Variants in MAPK9 observed in about 807,000 individuals in gnomAD.
MAPK9 encodes the protein Jun kinase.
Under a neutral mutation model 57.1 loss-of-function variants are expected in MAPK9, and 30 were observed. That is an observed-to-expected ratio of 0.53 (90% confidence interval 0.39 to 0.71). The LOEUF is 0.71. MAPK9 is among the 30% of genes least tolerant of loss of function. The pLI is 0.00. For synonymous variants in MAPK9, 155 were observed against 177.0 expected (o/e 0.88, Z 0.99); for missense variants, 362 against 521.0 (o/e 0.69, Z 2.97).
intron 1 of MAPK9, among the ~76,000 whole-genome samples, chr5:180,291,451 G>A (rs1041324276): frequency 6.6e-6 from 1 of 152,212 alleles, no homozygotes; most frequent in Non-Finnish European, 1.5e-5. Context: ...ACCCTGTCCA[G>A]AAGAGACATT....
intron 1 of MAPK9, among the ~76,000 whole-genome samples, chr5:180,281,096 A>C (rs531045451): frequency 1.3e-5 from 2 of 152,366 alleles, no homozygotes; most frequent in South Asian, 4.1e-4. Flanking sequence ...TGAACCAAAA[A>C]GCAAGATTCA....
At chr5:180,267,465 G>C (rs1212169902) in intron 3 of MAPK9, among the ~76,000 whole-genome samples, 1 of 151,044 alleles carries the variant, frequency 6.6e-6, no homozygotes, top group East Asian at 2.0e-4. Flanking sequence ...GGGAGGCTGA[G>C]GCAGGAGAAT....
chr5:180,272,868 C>T (rs1345824673), intron 2 of MAPK9, among the ~76,000 whole-genome samples: 5 of 152,200 alleles, frequency 3.3e-5, no homozygotes, highest in Admixed American at 2.0e-4. Context: ...AGAGTGGGAA[C>T]GTATCCATTG....
chr5:180,288,496 A>C (rs943525317), intron 1 of MAPK9, among the ~76,000 whole-genome samples: 1 of 152,254 alleles, frequency 6.6e-6, no homozygotes, highest in African/African-American at 2.4e-5. Context: ...ACTTTAAAAG[A>C]GTCAGTACCT....
intron 1 of MAPK9, among the ~76,000 whole-genome samples, chr5:180,287,333 G>C (rs928434061): frequency 2.6e-5 from 4 of 152,212 alleles, no homozygotes; most frequent in African/African-American, 9.7e-5. Context: ...GTAACCGTGG[G>C]AGAAAGCTGG....
In MAPK9 at chr5:180,241,926, A is replaced by C. The variant is rs113652018; in HGVS notation, c.871+647T>G. Among the ~76,000 whole-genome samples, 1,190 of 152,384 alleles carry C rather than the reference A, an allele frequency of 7.8e-3. 14 individuals carry two copies. Among genetic ancestry groups the C allele is most frequent in the African/African-American group, 0.027 (1,130 of 41,594 alleles). ...CCACACAACAATCTCACATTCCCAC[A>C]GGATAAAACACTCACAGATGCTTCT... On this transcript the variant is annotated intron_variant, in intron 8 of 11. Transcript: ENST00000452135.
chr5:180,270,168 G>T (rs935973372), intron 2 of MAPK9, among the ~76,000 whole-genome samples: 1 of 151,992 alleles, frequency 6.6e-6, no homozygotes. Context: ...TCACCTCTGG[G>T]CTACTCATGA....
intron 1 of MAPK9, among the ~76,000 whole-genome samples, chr5:180,287,550 G>A (rs1762881319): frequency 6.6e-6 from 1 of 152,146 alleles, no homozygotes; most frequent in Non-Finnish European, 1.5e-5. Context: ...GCAGTCCTCT[G>A]GCCCAATCTT....
chr5:180,262,504 T>G (rs369449732), intron 4 of MAPK9, among the ~76,000 whole-genome samples: 1 of 151,764 alleles, frequency 6.6e-6, no homozygotes, highest in South Asian at 2.1e-4. Context: ...CTCGCCTCAC[T>G]GCAACCTCCA....
rs144408050 is a variant in MAPK9 at position 180,255,113 on chromosome 5, G to A, written c.451-5975C>T. On this transcript the variant is annotated intron_variant, in intron 5 of 11. Coordinates refer to ENST00000452135, the MANE Select transcript of MAPK9 (RefSeq NM_002752.5). ...CCACAGGCACTGCCTCCGCCATTCT[G>A]AGCGCAACTGATCTGTAACTAAGAA... 3.9e-5 allele frequency among the ~76,000 whole-genome samples: 6 copies of A among 152,226 alleles called. No homozygotes were observed. In the East Asian group the frequency reaches 9.7e-4, roughly 24 times the overall value.
intron 4 of MAPK9, chr5:180,263,199 C>CA (rs1220718666): frequency 6.6e-6 from 1 of 152,220 alleles, no homozygotes; most frequent in Non-Finnish European, 1.5e-5. Flanking sequence ...GTGCTCAGGC[C>CA]AAAAATCTAG....
At position 180,241,297 on chromosome 5, in the gene MAPK9, A is replaced by AC. The variant is rs1757631750; in HGVS notation, c.872-143dup. 3.6e-5 allele frequency: 33 copies of AC among 906,030 alleles called. No homozygotes were observed. The East Asian group carries it at 8.9e-4, about 24-fold the overall frequency. The allele number at this position is 906,030 out of a possible 1,614,324, so 56.1% of individuals were successfully genotyped here. On this transcript the variant is annotated intron_variant, in intron 8 of 11. Coordinates refer to ENST00000452135, the MANE Select transcript of MAPK9 (RefSeq NM_002752.5). ...GTTTGATAGGTTCAAGATGAATATA[A>AC]CCCAAAATTTTTTTTTTTTTTTTCG...
Position 180,280,609 on chromosome 5 carries a change from C to T in MAPK9, c.-47-1G>A, listed in dbSNP as rs1561845571. On this transcript the variant is annotated splice_acceptor_variant, in intron 1 of 11. Transcript: ENST00000452135. LOFTEE classifies it low-confidence loss of function (5UTR_SPLICE). The stretch of plus-strand genomic sequence containing the variant: ...CGAAGGGTGGGCAAGTTTCAGATCC[C>T]TTCAAAGAAAAACAGAATGAACGTG... The T allele has an allele frequency of 1.9e-6, 3 of 1,593,118 alleles. No homozygotes were observed.
At chr5:180,238,662 A>C (rs1390978938) in intron 10 of MAPK9, among the ~76,000 whole-genome samples, 6 of 132,668 alleles carry the variant, frequency 4.5e-5, no homozygotes, top group African/African-American at 1.7e-4. Flanking sequence ...AGGCTGGAGT[A>C]CAGTGGCATG....
intron 7 of MAPK9, chr5:180,242,979 T>C (rs539176650): frequency 4.7e-6 from 2 of 428,614 alleles, no homozygotes; most frequent in Non-Finnish European, 4.1e-6. Flanking sequence ...GTTTATTAAA[T>C]CAACACAATG....
intron 4 of MAPK9, among the ~76,000 whole-genome samples, chr5:180,264,180 T>C (rs1317432884): frequency 2.0e-5 from 3 of 152,228 alleles, no homozygotes; most frequent in Non-Finnish European, 4.4e-5. Context: ...ATGGACTACA[T>C]GCTTTCCTCA....
At chr5:180,256,734 T>A (rs1470415778) in intron 5 of MAPK9, among the ~76,000 whole-genome samples, 1 of 152,110 alleles carries the variant, frequency 6.6e-6, no homozygotes, top group Non-Finnish European at 1.5e-5. Context: ...GCACCGGCTA[T>A]TCCATAAAAA....
intron 5 of MAPK9, among the ~76,000 whole-genome samples, chr5:180,261,478 C>T (rs1457009184): frequency 1.3e-5 from 2 of 152,352 alleles, no homozygotes; most frequent in South Asian, 2.1e-4. Context: ...CAGTACCTGG[C>T]TGTGTCCACA....
At chr5:180,238,640 A>G (rs1757397063) in intron 10 of MAPK9, among the ~76,000 whole-genome samples, 1 of 121,888 alleles carries the variant, frequency 8.2e-6, no homozygotes, top group African/African-American at 3.3e-5. Flanking sequence ...AGACAGTCTC[A>G]TGCTGTCATC....
Sources: gnomAD v4.1 joint callset for allele counts (sites outside exome capture counted in the v4.1 genomes callset) on GRCh38, gnomAD v4.1.1 for gene constraint, MANE v1.5 for transcripts, NCBI Gene and HGNC (gene_info 2026-07-23, HGNC 2026-07-21) for gene names.